Variants in CCDC39 observed in about 807,000 individuals in gnomAD.
CCDC39 encodes the protein coiled-coil domain 39 molecular ruler complex subunit.
CCDC39 carries 113 observed loss-of-function variants against 121.0 expected under a neutral mutation model. The observed-to-expected ratio is 0.93, with a 90% CI of 0.80 to 1.09. CCDC39 has a LOEUF of 1.09. CCDC39 is among the 50% of genes least tolerant of loss of function. CCDC39 has a pLI of 0.00. For missense variants in CCDC39, 1,063 were observed against 1,074.7 expected (o/e 0.99, Z 0.15); for synonymous variants, 349 against 352.2 (o/e 0.99, Z 0.10).
At chr3:180,655,831 A>G (rs1003708900) in intron 6 of CCDC39, among the ~76,000 whole-genome samples, 8 of 152,188 alleles carry the variant, frequency 5.3e-5, no homozygotes, top group Non-Finnish European at 2.9e-5. Flanking sequence ...CAAAGCTGGG[A>G]AATAAAAAGA....
rs180870818 is a variant in CCDC39, at chr3:180,667,162, T to G, written c.91-3176A>C. Among the ~76,000 whole-genome samples, 30 of 152,318 alleles carry G rather than the reference T, an allele frequency of 2.0e-4. No individual in the cohort carries two copies. In the East Asian group the frequency reaches 4.8e-3, roughly 24 times the overall value. ...ATTCTGAAGTAAAATTATTTTCAAC[T>G]TAGAGTCTTCTACCCAGTCAAACTA... On this transcript the variant is annotated intron_variant, in intron 1 of 19. Transcript: ENST00000476379.
chr3:180,664,016 A>G, intron 1 of CCDC39, 30 bp from the exon 2 acceptor site: 1 of 1,584,182 alleles, frequency 6.3e-7, no homozygotes, highest in East Asian at 2.2e-5. Context: ...TGATTAACCA[A>G]AGTCCTATTA....
At chr3:180,623,092 T>A (rs1167247968) in intron 14 of CCDC39, among the ~76,000 whole-genome samples, 1 of 144,568 alleles carries the variant, frequency 6.9e-6, no homozygotes, top group East Asian at 1.9e-4. Flanking sequence ...TTATTATTAT[T>A]ATTATTATTA....
At chr3:180,659,217 C>T (rs373870648) in intron 6 of CCDC39, among the ~76,000 whole-genome samples, 5 of 152,232 alleles carry the variant, frequency 3.3e-5, no homozygotes, top group East Asian at 3.9e-4. Context: ...TTTCTTGTTC[C>T]GCAATTCTGA....
rs182540012 is a variant in CCDC39 at position 180,625,466 on chromosome 3, A to G, written c.1999-5496T>C. ...CTTGCATCTAATTGAGCTTCTATCA[A>G]TATTTTGAATTTTTCATCTGGCATT... is the stretch of plus-strand genomic sequence containing the variant. On this transcript the variant is annotated intron_variant, in intron 14 of 19. Coordinates refer to ENST00000476379, the MANE Select transcript of CCDC39 (RefSeq NM_181426.2). Among the ~76,000 whole-genome samples the G allele has an allele frequency of 3.4e-3, 510 of 151,354 alleles. 3 individuals are homozygous for G. Among genetic ancestry groups the G allele is most frequent in the Admixed American group, 7.5e-3 (114 of 15,200 alleles).
chr3:180,648,848 G>T (rs984283689), intron 9 of CCDC39, among the ~76,000 whole-genome samples: 3 of 151,990 alleles, frequency 2.0e-5, no homozygotes, highest in Non-Finnish European at 4.4e-5. Flanking sequence ...TGATTTCCAC[G>T]GTATAAATAC....
chr3:180,676,681 C>T (rs1290175453), intron 1 of CCDC39, among the ~76,000 whole-genome samples: 1 of 152,084 alleles, frequency 6.6e-6, no homozygotes, highest in African/African-American at 2.4e-5. Flanking sequence ...CTGCTATAGA[C>T]ACATGCACAC....
chr3:180,615,207 A>G (rs2108403110), intron 19 of CCDC39, 130 bp from the exon 20 acceptor site: 2 of 614,148 alleles, frequency 3.3e-6, no homozygotes, highest in African/African-American at 1.9e-5. Context: ...AATAGTGTTA[A>G]GTTTTTAAAT....
chr3:180,644,003 G>A (rs1220671387), intron 12 of CCDC39, 117 bp downstream of exon 12: 2 of 731,572 alleles, frequency 2.7e-6, no homozygotes, highest in East Asian at 2.9e-5. Context: ...GTTTATATTG[G>A]GTATAGTGAT....
Position 180,614,956 on chromosome 3 carries a change from A to T in CCDC39, c.2791T>A (p.Ser931Thr). 1 of 1,566,622 alleles carries T rather than the reference A, an allele frequency of 6.4e-7. No individual in the cohort carries two copies. The stretch of plus-strand genomic sequence containing the variant: ...CTCTTTTTGCTCTTAACATTACTAG[A>T]GCTACTACTAGCACTAGATGGCCTA... ...PSRPSSASSS[S>T]SNVKSKKSSK The change falls in exon 20 of 20, where the codon TCT becomes ACT. Residue 931 changes from serine to threonine, a missense_variant. Transcript: ENST00000476379.
intron 16 of CCDC39, chr3:180,617,951 T>A (rs1717309387): frequency 6.5e-6 from 1 of 153,208 alleles, no homozygotes; most frequent in Non-Finnish European, 1.5e-5. Context: ...CAAGCTCCAT[T>A]TATGGTAAGT....
intron 14 of CCDC39, among the ~76,000 whole-genome samples, chr3:180,623,049 C>G (rs549466530): frequency 8.9e-4 from 134 of 150,370 alleles, no homozygotes; most frequent in African/African-American, 3.0e-3. Flanking sequence ...ACATCTTACC[C>G]TGGGCTTTTT....
intron 13 of CCDC39, among the ~76,000 whole-genome samples, chr3:180,635,803 C>T (rs1003346549): frequency 6.6e-6 from 1 of 152,140 alleles, no homozygotes; most frequent in Non-Finnish European, 1.5e-5. Context: ...GCTCAACATA[C>T]ACAAATCAAT....
intron 14 of CCDC39, among the ~76,000 whole-genome samples, chr3:180,623,570 A>T (rs1717484531): frequency 6.6e-6 from 1 of 151,850 alleles, no homozygotes; most frequent in Non-Finnish European, 1.5e-5. Context: ...ATCTTTCTAC[A>T]TTTTTGATAT....
intron 13 of CCDC39, among the ~76,000 whole-genome samples, chr3:180,636,973 A>C (rs2108416225): frequency 6.6e-6 from 1 of 152,328 alleles, no homozygotes; most frequent in South Asian, 2.1e-4. Flanking sequence ...AAACTATAAA[A>C]ACCCAGAAGA....
chr3:180,626,421 A>G lies in CCDC39; in HGVS notation c.1998+5048T>C, dbSNP rs1438623241. Among the ~76,000 whole-genome samples, 11 of 152,148 alleles carry G rather than the reference A, an allele frequency of 7.2e-5. 1 individual carries two copies. In the Middle Eastern group the frequency reaches 0.01, roughly 141 times the overall value. ...CAGGACACTGGCAGAATACTCAGAT[A>G]TGGGCTGTGGTGGCTGTGCTGTAGG... is the stretch of plus-strand genomic sequence containing the variant. On this transcript the variant is annotated intron_variant, in intron 14 of 19. Transcript: ENST00000476379.
Position 180,629,472 on chromosome 3 carries a change from A to T in CCDC39, c.1998+1997T>A, listed in dbSNP as rs1469387919. On this transcript the variant is annotated intron_variant, in intron 14 of 19. Coordinates refer to ENST00000476379, the MANE Select transcript of CCDC39 (RefSeq NM_181426.2). ...AGTCAATAGAGAGTCGAAGGTCTGC[A>T]CTCCTATAGAATCAGATAATACCTG... 5.3e-5 allele frequency among the ~76,000 whole-genome samples: 8 copies of T among 152,306 alleles called. No individual in the cohort carries two copies. In the East Asian group the frequency reaches 1.5e-3, roughly 29 times the overall value.
At chr3:180,658,573 G>C (rs1711646540) in intron 6 of CCDC39, among the ~76,000 whole-genome samples, 1 of 151,676 alleles carries the variant, frequency 6.6e-6, no homozygotes, top group Non-Finnish European at 1.5e-5. Context: ...CTCCAGCCTT[G>C]GTGACAGAGC....
chr3:180,623,749 A>G (rs1717488726), intron 14 of CCDC39, among the ~76,000 whole-genome samples: 1 of 151,770 alleles, frequency 6.6e-6, no homozygotes, highest in Non-Finnish European at 1.5e-5. Flanking sequence ...TAATTTCCAT[A>G]TATCTGTAAA....
Sources: allele counts gnomAD v4.1 joint callset (sites outside exome capture counted in the v4.1 genomes callset), GRCh38; gene constraint gnomAD v4.1.1; transcripts MANE v1.5; gene names NCBI Gene and HGNC (gene_info 2026-07-23, HGNC 2026-07-21).